FGD6: variants seen among roughly 807,000 people sequenced by gnomAD.
FGD6 encodes the protein FYVE, RhoGEF and PH domain-containing protein 6.
Under a neutral mutation model 149.4 loss-of-function variants are expected in FGD6, and 90 were observed. The observed-to-expected ratio is 0.60, with a 90% CI of 0.51 to 0.72. The LOEUF (loss-of-function observed/expected upper bound fraction) is 0.72. Among genes scored for constraint, FGD6 ranks in the 30% least tolerant of loss-of-function variants. The pLI, the probability that FGD6 is intolerant of heterozygous loss-of-function variation, is 0.00. For synonymous variants in FGD6, 527 were observed against 584.0 expected (o/e 0.90, Z 1.41); for missense variants, 1,437 against 1,684.8 (o/e 0.85, Z 2.57).
chr12:95,172,761 G>A lies in FGD6; in HGVS notation c.2442-17C>T. On this transcript the variant is annotated splice_polypyrimidine_tract_variant and intron_variant, in intron 2 of 20. Transcript: ENST00000343958. ...GCTCCTGAACTGCATTCAACAGAAA[G>A]CAGGTATTAGTCACCTTCAATAATA... 1 of 1,561,792 alleles carries A rather than the reference G, an allele frequency of 6.4e-7. No homozygotes were observed.
chr12:95,180,607 A>C (rs899822549), intron 2 of FGD6, among the ~76,000 whole-genome samples: 1 of 151,986 alleles, frequency 6.6e-6, no homozygotes, highest in Admixed American at 6.6e-5. Context: ...CATGTTGCCA[A>C]GGATGGGCTC....
intron 2 of FGD6, among the ~76,000 whole-genome samples, chr12:95,206,394 T>C (rs1170092484): frequency 6.6e-6 from 1 of 152,060 alleles, no homozygotes; most frequent in East Asian, 1.9e-4. Context: ...TTGAAATATT[T>C]ATGCCAAGAA....
intron 20 of FGD6, among the ~76,000 whole-genome samples, chr12:95,084,025 G>C (rs921434163): frequency 3.3e-5 from 5 of 152,282 alleles, no homozygotes; most frequent in Non-Finnish European, 5.9e-5. Context: ...TCAGTCACTG[G>C]AACAGCATGG....
intron 2 of FGD6, among the ~76,000 whole-genome samples, chr12:95,207,110 G>C (rs562272647): frequency 1.4e-3 from 212 of 152,024 alleles, no homozygotes; most frequent in African/African-American, 4.8e-3. Context: ...CCGGTGGGAG[G>C]TAATTTAATC....
chr12:95,089,455 AT>A, intron 18 of FGD6, 113 bp downstream of exon 18: 1 of 1,324,368 alleles, frequency 7.6e-7, no homozygotes, highest in Non-Finnish European at 1.0e-6. Flanking sequence ...ATTAAAATTC[AT>A]GACTTAATAG....
intron 2 of FGD6, among the ~76,000 whole-genome samples, chr12:95,200,755 C>G (rs974286552): frequency 6.6e-6 from 1 of 152,184 alleles, no homozygotes; most frequent in African/African-American, 2.4e-5. Flanking sequence ...GCTGTCAAAA[C>G]TACTTACAAA....
intron 2 of FGD6, among the ~76,000 whole-genome samples, chr12:95,197,483 T>C (rs7956604): frequency 0.88 from 133,338 of 152,166 alleles, 58,748 homozygotes; most frequent in African/African-American, 0.96. Context: ...CTCCATAAAG[T>C]CTTCCTTCTC....
At chr12:95,083,107 TAATTA>T (rs1040267188) in intron 20 of FGD6, among the ~76,000 whole-genome samples, 3 of 146,246 alleles carry the variant, frequency 2.1e-5, no homozygotes, top group African/African-American at 7.6e-5. Context: ...TCACTCAGTT[TAATTA>T]TTTTGTAAAA....
intron 3 of FGD6, among the ~76,000 whole-genome samples, chr12:95,170,867 T>C (rs1359750775): frequency 1.3e-5 from 2 of 152,222 alleles, no homozygotes; most frequent in Non-Finnish European, 2.9e-5. Flanking sequence ...TATACATTGC[T>C]GAGTGCTGTG....
chr12:95,130,942 A>C (rs1490709197), intron 8 of FGD6, among the ~76,000 whole-genome samples: 1 of 152,158 alleles, frequency 6.6e-6, no homozygotes, highest in Non-Finnish European at 1.5e-5. Flanking sequence ...GGTTATAGGA[A>C]TGTCCTTAGG....
intron 3 of FGD6, among the ~76,000 whole-genome samples, chr12:95,161,389 G>A (rs1296645897): frequency 6.6e-6 from 1 of 152,010 alleles, no homozygotes; most frequent in Non-Finnish European, 1.5e-5. Flanking sequence ...CCAGCTACTA[G>A]GTAGCCTAAG....
chr12:95,092,991 C>T (rs1224557861), intron 15 of FGD6, 146 bp from the exon 16 acceptor site: 17 of 858,562 alleles, frequency 2.0e-5, no homozygotes, highest in Middle Eastern at 5.4e-4. Context: ...GAGGCCGAGT[C>T]GAGTGGATCA....
chr12:95,103,035 C>A (rs1192529262), intron 14 of FGD6, among the ~76,000 whole-genome samples: 2 of 152,180 alleles, frequency 1.3e-5, no homozygotes, highest in African/African-American at 4.8e-5. Flanking sequence ...CTCCTAAGAT[C>A]CTAGTTGATT....
At chr12:95,100,614 C>T in intron 14 of FGD6, 1 of 499,448 alleles carries the variant, frequency 2.0e-6, no homozygotes, top group African/African-American at 2.0e-5. Flanking sequence ...TTCTTTTTTC[C>T]CACCCTTGGG....
At chr12:95,216,319 A>C (rs2056778236) in intron 1 of FGD6, among the ~76,000 whole-genome samples, 1 of 152,238 alleles carries the variant, frequency 6.6e-6, no homozygotes, top group Admixed American at 6.5e-5. Context: ...CCTTGAGAAG[A>C]AGCTTTAAAC....
intron 3 of FGD6, among the ~76,000 whole-genome samples, chr12:95,155,928 C>T (rs1441397706): frequency 6.6e-6 from 1 of 152,200 alleles, no homozygotes; most frequent in Non-Finnish European, 1.5e-5. Context: ...CCTGTCTTTA[C>T]TGCAATCTCT....
At chr12:95,149,693 T>C (rs1880236884) in intron 5 of FGD6, among the ~76,000 whole-genome samples, 1 of 144,630 alleles carries the variant, frequency 6.9e-6, no homozygotes, top group African/African-American at 2.5e-5. Context: ...CCTAACAAAT[T>C]TGTTGAGTGT....
At chr12:95,093,478 A>C (rs1026839919) in intron 15 of FGD6, among the ~76,000 whole-genome samples, 1 of 151,508 alleles carries the variant, frequency 6.6e-6, no homozygotes, top group Non-Finnish European at 1.5e-5. Context: ...TTGGGAGTTC[A>C]AGACCAGCCT....
At chr12:95,182,584 G>T (rs78074841) in intron 2 of FGD6, among the ~76,000 whole-genome samples, 4 of 152,028 alleles carry the variant, frequency 2.6e-5, no homozygotes, top group Admixed American at 6.6e-5. Flanking sequence ...AACATTTATC[G>T]AGGGCCTACT....
Sources: gnomAD v4.1 joint callset for allele counts (sites outside exome capture counted in the v4.1 genomes callset) on GRCh38, gnomAD v4.1.1 for gene constraint, MANE v1.5 for transcripts, NCBI Gene and HGNC (gene_info 2026-07-23, HGNC 2026-07-21) for gene names.